Variants in LUZP1 observed in about 807,000 individuals in gnomAD.
LUZP1 encodes the protein filamin mechanobinding actin cross-linking protein.
A neutral mutation model predicts 71.3 loss-of-function variants in LUZP1; 25 were observed. That is an observed-to-expected ratio of 0.35 (90% CI 0.26 to 0.49). The LOEUF is 0.49. LUZP1 is among the 20% of genes least tolerant of loss of function. The pLI is 0.99. For synonymous variants in LUZP1, 481 were observed against 506.4 expected (o/e 0.95, Z 0.67); for missense variants, 1,142 against 1,300.8 (o/e 0.88, Z 1.88).
exon 4 of LUZP1, chr1:23,092,724 T>C (rs559411625): frequency 6.2e-7 from 1 of 1,613,958 alleles, no homozygotes; most frequent in South Asian, 1.1e-5. Context: ...ATGGGTGGTG[T>C]CACTAAACGT....
chr1:23,090,796 G>A lies in LUZP1; in HGVS notation c.3072+394C>T, dbSNP rs1164322537. The A allele has an allele frequency of 4.2e-6, 3 of 709,658 alleles. No homozygotes were observed. The East Asian group carries it at 8.1e-5, about 19-fold the overall frequency. The allele number at this position is 709,658 out of a possible 1,614,324, so 44.0% of individuals were successfully genotyped here. On this transcript the variant is annotated intron_variant, in intron 4 of 4. Coordinates refer to ENST00000302291, the Ensembl canonical transcript of LUZP1. Reference sequence around the variant, plus strand: ...CCCCTCACTGTGCCCTACAGAAAGGGCACCGGGCCTCCTCCTGTTGCCCAG... The same window carrying A: ...CCCCTCACTGTGCCCTACAGAAAGGACACCGGGCCTCCTCCTGTTGCCCAG...
At chr1:23,107,482 A>G (rs1261446282) in intron 3 of LUZP1, among the ~76,000 whole-genome samples, 1 of 152,188 alleles carries the variant, frequency 6.6e-6, no homozygotes, top group African/African-American at 2.4e-5. Flanking sequence ...TAGCCCCAGT[A>G]TATAGCAAAA....
At chr1:23,150,402 AC>A (rs1644374658) in intron 2 of LUZP1, among the ~76,000 whole-genome samples, 1 of 152,192 alleles carries the variant, frequency 6.6e-6, no homozygotes, top group Admixed American at 6.5e-5. Flanking sequence ...AGAGTATTCA[AC>A]CAATGAAAAC....
At chr1:23,087,977 A>C in exon 5 of LUZP1, 1 of 152,578 alleles carries the variant, frequency 6.6e-6, no homozygotes, top group Non-Finnish European at 1.5e-5. Flanking sequence ...TGGAGTGACT[A>C]AAGGGGTCTG....
At position 23,171,512 on chromosome 1, in the gene LUZP1, C is replaced by T. The variant is rs139491447; in HGVS notation, c.-484-2488G>A. Among the ~76,000 whole-genome samples the T allele has an allele frequency of 4.9e-3, 752 of 152,242 alleles. 9 individuals are homozygous for T. Among genetic ancestry groups the T allele is most frequent in the African/African-American group, 0.017 (711 of 41,520 alleles). On this transcript the variant is annotated intron_variant, in intron 1 of 4. Coordinates refer to ENST00000302291, the Ensembl canonical transcript of LUZP1. ...ACAGAGACGTGGATCTGTGTTAAACCGCCCTTGGCATCTCTGCAATCCTCT... is the reference window on the plus strand; with the variant it reads ...ACAGAGACGTGGATCTGTGTTAAACTGCCCTTGGCATCTCTGCAATCCTCT...
rs868091672 is a variant in LUZP1 at position 23,093,392 on chromosome 1, G to A, written c.870C>T (p.Asp290=). 7 of 1,613,744 alleles carry A rather than the reference G, an allele frequency of 4.3e-6. No individual in the cohort carries two copies. The South Asian group carries it at 4.4e-5, about 10-fold the overall frequency. ...TAAGTTTCTCAATCTCTTGGTTAAG[G>A]TCTTTGACTTTGTTGTCTTCCTGAT... Residue 290 remains aspartate, a synonymous_variant, in exon 4 of 5, where the codon GAC becomes GAT. Transcript: ENST00000302291. This position sits in a 1 kb window ranked among gnomAD's most constrained non-coding sequence, Gnocchi z 4.2.
intron 2 of LUZP1, among the ~76,000 whole-genome samples, chr1:23,160,752 CT>C (rs1236967975): frequency 6.6e-6 from 1 of 152,204 alleles, no homozygotes; most frequent in African/African-American, 2.4e-5. Context: ...GATCGAGAAG[CT>C]TCCAGTCAAA....
chr1:23,155,858 G>A (rs942920632), intron 2 of LUZP1, among the ~76,000 whole-genome samples: 1 of 152,006 alleles, frequency 6.6e-6, no homozygotes. Context: ...CACTAAAATG[G>A]CCTAAATCAG....
At chr1:23,111,097 G>A (rs934039200) in intron 2 of LUZP1, among the ~76,000 whole-genome samples, 5 of 151,610 alleles carry the variant, frequency 3.3e-5, no homozygotes, top group Non-Finnish European at 5.9e-5. Flanking sequence ...CTACTCAGGA[G>A]GCTGAGGCAA....
chr1:23,167,320 A>C (rs182879607), intron 2 of LUZP1, among the ~76,000 whole-genome samples: 133 of 152,296 alleles, frequency 8.7e-4, no homozygotes, highest in African/African-American at 3.1e-3. Context: ...CCAGAACTGC[A>C]GCCGTCTGTA....
At chr1:23,086,709 G>A (rs147707200) in exon 5 of LUZP1, 1 of 152,764 alleles carries the variant, frequency 6.5e-6, no homozygotes, top group Non-Finnish European at 1.5e-5. Context: ...TGGCAGGGAG[G>A]CTGCAAGTGA....
intron 2 of LUZP1, among the ~76,000 whole-genome samples, chr1:23,117,176 T>G (rs889119574): frequency 6.6e-6 from 1 of 152,172 alleles, no homozygotes; most frequent in African/African-American, 2.4e-5. Context: ...CCTGCTGCCC[T>G]GGCAACATGC....
chr1:23,117,493 C>G (rs1287945854), intron 2 of LUZP1, among the ~76,000 whole-genome samples: 1 of 7,988 alleles, frequency 1.3e-4, no homozygotes, highest in South Asian at 7.6e-3. Context: ...CCCCCCCCCA[C>G]AATCAGGAAG....
rs1041145524 is a variant in LUZP1 at position 23,094,556 on chromosome 1, G to A, written c.-119-176C>T. 7.2e-5 allele frequency among the ~76,000 whole-genome samples: 11 copies of A among 152,206 alleles called. No individual in the cohort carries two copies. The highest frequency in any genetic ancestry group is 2.2e-4 in the African/African-American group (9 of 41,444). On this transcript the variant is annotated intron_variant, in intron 3 of 4. Transcript: ENST00000302291. This position sits in a 1 kb window ranked among gnomAD's most constrained non-coding sequence, Gnocchi z 4.7. ...AAGAAAACACTGGTTCTTTATGGCCGATATTGAGTTGATACCTCATTTCGC... is the reference window on the plus strand; with the variant it reads ...AAGAAAACACTGGTTCTTTATGGCCAATATTGAGTTGATACCTCATTTCGC...
chr1:23,100,169 A>G (rs1036060411), intron 3 of LUZP1, among the ~76,000 whole-genome samples: 1 of 152,198 alleles, frequency 6.6e-6, no homozygotes, highest in Admixed American at 6.5e-5. Context: ...TATTCTCAGT[A>G]CCCAGCAGGG....
intron 3 of LUZP1, among the ~76,000 whole-genome samples, chr1:23,102,107 A>C (rs1445643457): frequency 1.3e-5 from 2 of 152,120 alleles, no homozygotes. Context: ...AAATGTGCCT[A>C]AGGGTGGGGT....
chr1:23,157,386 G>C (rs1449405859), intron 2 of LUZP1, among the ~76,000 whole-genome samples: 2 of 152,078 alleles, frequency 1.3e-5, no homozygotes, highest in African/African-American at 4.8e-5. Context: ...TTTTTAAAAA[G>C]CCGTCCTAGG....
intron 2 of LUZP1, among the ~76,000 whole-genome samples, chr1:23,132,704 T>C (rs967136271): frequency 2.0e-5 from 3 of 152,140 alleles, no homozygotes; most frequent in East Asian, 1.9e-4. Flanking sequence ...GTGATATATA[T>C]AGAGACACAG....
chr1:23,089,305 C>T (rs1643817309), intron 4 of LUZP1, among the ~76,000 whole-genome samples: 1 of 152,162 alleles, frequency 6.6e-6, no homozygotes, highest in Non-Finnish European at 1.5e-5. Flanking sequence ...GCTCACAACT[C>T]AACAGGAGCC....
Sources: gnomAD v4.1 joint callset for allele counts (sites outside exome capture counted in the v4.1 genomes callset) on GRCh38, gnomAD v4.1.1 for gene constraint, Gnocchi (gnomAD v3.1) non-coding constraint, MANE v1.5 for transcripts, NCBI Gene and HGNC (gene_info 2026-07-23, HGNC 2026-07-21) for gene names.